NRG2: variants seen among roughly 807,000 people sequenced by gnomAD.
NRG2 encodes the protein neuregulin 2, also known as pro-neuregulin-2, membrane-bound isoform.
NRG2 carries 27 observed loss-of-function variants against 73.9 expected under a neutral mutation model. That is an observed-to-expected ratio of 0.37 (90% CI 0.27 to 0.50). NRG2 has a LOEUF of 0.50. Ranked by LOEUF, NRG2 falls within the 20% of genes least tolerant of loss-of-function variation. The probability of loss-of-function intolerance (pLI) is 0.96; values close to 1 mark genes in which losing one functional copy is unlikely to be tolerated. For synonymous variants in NRG2, 532 were observed against 541.0 expected (o/e 0.98, Z 0.23); for missense variants, 1,126 against 1,210.1 (o/e 0.93, Z 1.03).
At chr5:139,867,782 G>A (rs73791215) in intron 4 of NRG2, among the ~76,000 whole-genome samples, 6,930 of 137,944 alleles carry the variant, frequency 0.05, 441 homozygotes, top group African/African-American at 0.18. Flanking sequence ...GTGTGTGTGT[G>A]TGTGTGTGTG....
intron 1 of NRG2, among the ~76,000 whole-genome samples, chr5:139,913,058 G>A (rs1235536929): frequency 6.6e-6 from 1 of 152,182 alleles, no homozygotes; most frequent in Admixed American, 6.5e-5. Context: ...ACCCTTCCAA[G>A]CCCAGTCTGT....
At chr5:139,902,999 G>T (rs1333186621) in intron 1 of NRG2, among the ~76,000 whole-genome samples, 1 of 152,198 alleles carries the variant, frequency 6.6e-6, no homozygotes, top group African/African-American at 2.4e-5. Flanking sequence ...TCTCTACCCT[G>T]CTGGAAATAG....
intron 1 of NRG2, among the ~76,000 whole-genome samples, chr5:139,992,785 G>A (rs1757730789): frequency 6.6e-6 from 1 of 152,192 alleles, no homozygotes; most frequent in Admixed American, 6.5e-5. Context: ...CCTCACGTGT[G>A]TCCCTTCCCA....
intron 1 of NRG2, among the ~76,000 whole-genome samples, chr5:139,958,139 A>C (rs1754777140): frequency 6.6e-6 from 1 of 152,130 alleles, no homozygotes; most frequent in African/African-American, 2.4e-5. Flanking sequence ...GCCTGACTAC[A>C]ACTTTGCTCA....
rs1268825529 is a variant in NRG2, at chr5:139,870,863, C to T, written c.1112+858G>A. Among the ~76,000 whole-genome samples, 1 of 152,200 alleles carries T rather than the reference C, an allele frequency of 6.6e-6. No individual in the cohort carries two copies. Among genetic ancestry groups the T allele is most frequent in the Non-Finnish European group, 1.5e-5 (1 of 68,024 alleles). On this transcript the variant is annotated intron_variant, in intron 4 of 9. Coordinates refer to ENST00000361474, the MANE Select transcript of NRG2 (RefSeq NM_004883.3). This position sits in a 1 kb window ranked among gnomAD's most constrained non-coding sequence, Gnocchi z 4.4. ...AGATCTGGCTGGGCCTGAACGAGCCCTCCCTGACAGCCTCTCTCCCACCTG... is the reference window on the plus strand; with the variant it reads ...AGATCTGGCTGGGCCTGAACGAGCCTTCCCTGACAGCCTCTCTCCCACCTG...
chr5:139,990,351 G>A (rs1466583052), intron 1 of NRG2, among the ~76,000 whole-genome samples: 1 of 151,586 alleles, frequency 6.6e-6, no homozygotes, highest in African/African-American at 2.4e-5. Context: ...CATCCAGGCT[G>A]GAGGGCAGTG....
intron 1 of NRG2, among the ~76,000 whole-genome samples, chr5:140,038,197 A>G (rs1761651486): frequency 6.6e-6 from 1 of 152,194 alleles, no homozygotes; most frequent in South Asian, 2.1e-4. Flanking sequence ...AGGATAGTAA[A>G]GGGGAAGCAC....
intron 1 of NRG2, among the ~76,000 whole-genome samples, chr5:139,935,022 C>T (rs1425407695): frequency 6.6e-6 from 1 of 152,018 alleles, no homozygotes; most frequent in Non-Finnish European, 1.5e-5. Flanking sequence ...AAACAATTAG[C>T]TGGGAGTGGT....
chr5:139,940,488 G>C (rs1288595877), intron 1 of NRG2, among the ~76,000 whole-genome samples: 2 of 152,108 alleles, frequency 1.3e-5, no homozygotes, highest in Non-Finnish European at 2.9e-5. Flanking sequence ...GCATACATTT[G>C]CTAAAACTCA....
At chr5:139,926,347 A>G (rs1449615581) in intron 1 of NRG2, among the ~76,000 whole-genome samples, 1 of 152,142 alleles carries the variant, frequency 6.6e-6, no homozygotes, top group Non-Finnish European at 1.5e-5. Context: ...GAGGCAGCAG[A>G]GGAGGAAGTG....
At position 140,032,247 on chromosome 5, in the gene NRG2, G is replaced by A. The variant is rs187021173; in HGVS notation, c.700+10123C>T. Among the ~76,000 whole-genome samples, 459 of 152,288 alleles carry A rather than the reference G, an allele frequency of 3.0e-3. 5 individuals are homozygous for A. The highest frequency in any genetic ancestry group is 9.1e-3 in the African/African-American group (380 of 41,552). ...AAGGAATATCCAAAAAGCTCAGGTGGCAAGTGAAACTGGTAAATTTTGCAG... is the reference window on the plus strand; with the variant it reads ...AAGGAATATCCAAAAAGCTCAGGTGACAAGTGAAACTGGTAAATTTTGCAG... On this transcript the variant is annotated intron_variant, in intron 1 of 9. Coordinates refer to ENST00000361474, the MANE Select transcript of NRG2 (RefSeq NM_004883.3).
At chr5:139,952,468 G>A (rs1754282667) in intron 1 of NRG2, among the ~76,000 whole-genome samples, 1 of 152,196 alleles carries the variant, frequency 6.6e-6, no homozygotes, top group African/African-American at 2.4e-5. Flanking sequence ...GACCCCCAGA[G>A]CACCCCAAAA....
chr5:139,897,737 C>T (rs896405516), intron 1 of NRG2, among the ~76,000 whole-genome samples: 3 of 152,166 alleles, frequency 2.0e-5, no homozygotes, highest in African/African-American at 7.2e-5. Context: ...GACAGGTAAT[C>T]CCAGAGCCCC....
chr5:139,865,772 G>C lies in NRG2; in HGVS notation c.1113-147C>G, dbSNP rs1363230234. On this transcript the variant is annotated intron_variant, in intron 4 of 9. Coordinates refer to ENST00000361474, the MANE Select transcript of NRG2 (RefSeq NM_004883.3). The surrounding 1 kb of genome is among the most constrained non-coding windows in gnomAD (Gnocchi z 5.2). ...TGTAGCTGAAGGGACTGGAGTCAGG[G>C]CTGGGTGGAGGGCTCTGAAATCTCC... 1 of 611,192 alleles carries C rather than the reference G, an allele frequency of 1.6e-6. No homozygotes were observed. The highest frequency in any genetic ancestry group is 2.8e-6 in the Non-Finnish European group (1 of 355,822). The allele number at this position is 611,192 out of a possible 1,614,324, so 37.9% of individuals were successfully genotyped here.
At chr5:139,978,268 T>C (rs954188822) in intron 1 of NRG2, among the ~76,000 whole-genome samples, 1 of 151,870 alleles carries the variant, frequency 6.6e-6, no homozygotes, top group Non-Finnish European at 1.5e-5. Flanking sequence ...AACAACCCCA[T>C]CAAAAAGTGG....
At chr5:139,964,112 C>T (rs1488543005) in intron 1 of NRG2, among the ~76,000 whole-genome samples, 2 of 152,122 alleles carry the variant, frequency 1.3e-5, no homozygotes, top group Admixed American at 1.3e-4. Context: ...TTTGGCAGGA[C>T]CATTGGTCAC....
intron 1 of NRG2, among the ~76,000 whole-genome samples, chr5:139,973,493 C>T (rs1000490925): frequency 6.6e-6 from 1 of 152,148 alleles, no homozygotes; most frequent in African/African-American, 2.4e-5. Context: ...TCCCAAGTAG[C>T]CGGGACTACA....
intron 1 of NRG2, among the ~76,000 whole-genome samples, chr5:139,932,997 G>A (rs538697434): frequency 2.3e-4 from 35 of 152,276 alleles, no homozygotes; most frequent in South Asian, 6.2e-4. Flanking sequence ...AGAACAGGCC[G>A]CACGCGGTGG....
In NRG2 at chr5:139,954,210, A is replaced by C. The variant is rs1754446330; in HGVS notation, c.701-66699T>G. 6.6e-6 allele frequency among the ~76,000 whole-genome samples: 1 copy of C among 152,178 alleles called. No individual in the cohort carries two copies. The highest frequency in any genetic ancestry group is 6.5e-5 in the Admixed American group (1 of 15,288). ...TTAGCAAAAGTGACCGTGGAGGAGA[A>C]ATCCAGCCCAACCCAGGTCACGGTC... On this transcript the variant is annotated intron_variant, in intron 1 of 9. Transcript: ENST00000361474. The surrounding 1 kb of genome is among the most constrained non-coding windows in gnomAD (Gnocchi z 5.0).
Sources: allele counts gnomAD v4.1 joint callset (sites outside exome capture counted in the v4.1 genomes callset), GRCh38; gene constraint gnomAD v4.1.1; non-coding constraint Gnocchi (gnomAD v3.1); transcripts MANE v1.5; gene names NCBI Gene and HGNC (gene_info 2026-07-23, HGNC 2026-07-21).